Variants in GRID2 observed in about 807,000 individuals in gnomAD.
The protein encoded by GRID2 is glutamate receptor ionotropic, delta-2.
Under a neutral mutation model 114.8 loss-of-function variants are expected in GRID2, and 33 were observed. That is an observed-to-expected ratio of 0.29 (90% confidence interval 0.22 to 0.38). The LOEUF is 0.38. GRID2 is among the 10% of genes least tolerant of loss of function. The pLI is 1.00. For synonymous variants in GRID2, 505 were observed against 449.9 expected (o/e 1.12, Z -1.55); for missense variants, 1,184 against 1,257.7 (o/e 0.94, Z 0.89).
chr4:92,863,724 T>C (rs1744682139), intron 2 of GRID2, among the ~76,000 whole-genome samples: 1 of 152,160 alleles, frequency 6.6e-6, no homozygotes, highest in Admixed American at 6.5e-5. Context: ...GAAAATTCCG[T>C]GCCACAGGAT....
At chr4:93,756,164 A>C (rs1420877948) in intron 14 of GRID2, among the ~76,000 whole-genome samples, 4 of 152,212 alleles carry the variant, frequency 2.6e-5, no homozygotes, top group Non-Finnish European at 4.4e-5. Context: ...GGAGAAGAAG[A>C]AGCATACATT....
Position 93,772,144 on chromosome 4 carries a change from C to G in GRID2, c.2670C>G (p.Ser890Arg). The change falls in exon 16 of 16, where the codon AGC becomes AGG. Residue 890 changes from serine to arginine, a missense_variant. By Grantham distance (110) the Ser-to-Arg change is moderately radical. Coordinates refer to ENST00000282020, the MANE Select transcript of GRID2 (RefSeq NM_001510.4). The part of the protein sequence containing the change: ...RVNSLCTDDD[S>R]PHKQFSTSSI... Reference sequence around the variant, plus strand: ...ATAGCTTGTGCACAGATGACGACAGCCCCCATAAACAGTTTTCCACCTCGT... The same window carrying G: ...ATAGCTTGTGCACAGATGACGACAGGCCCCATAAACAGTTTTCCACCTCGT... The G allele has an allele frequency of 6.2e-7, 1 of 1,611,956 alleles. No individual in the cohort carries two copies.
At chr4:92,901,915 A>G (rs113024190) in intron 2 of GRID2, among the ~76,000 whole-genome samples, 33 of 151,850 alleles carry the variant, frequency 2.2e-4, no homozygotes, top group African/African-American at 8.0e-4. Flanking sequence ...TTACTGCTCA[A>G]TTTTCAAGAA....
At chr4:92,377,514 C>A (rs1475282299) in intron 1 of GRID2, among the ~76,000 whole-genome samples, 2 of 152,154 alleles carry the variant, frequency 1.3e-5, no homozygotes, top group Non-Finnish European at 2.9e-5. Context: ...CTGCCTGTTA[C>A]CCAGTTCCAA....
intron 4 of GRID2, among the ~76,000 whole-genome samples, chr4:93,163,392 ATATATATACAC>A (rs1737922229): frequency 2.2e-5 from 1 of 46,506 alleles, no homozygotes; most frequent in African/African-American, 7.8e-5. Context: ...ATATATATAT[ATATATATACAC>A]TATATATATA....
At chr4:93,169,262 G>A (rs1738568312) in intron 4 of GRID2, among the ~76,000 whole-genome samples, 1 of 151,830 alleles carries the variant, frequency 6.6e-6, no homozygotes, top group African/African-American at 2.4e-5. Context: ...AGAAATATGT[G>A]TCTTTATTGA....
chr4:93,515,190 G>T (rs1729589202), intron 12 of GRID2, 26 bp from the exon 13 acceptor site: 2 of 1,193,476 alleles, frequency 1.7e-6, no homozygotes, highest in Admixed American at 2.2e-5. Flanking sequence ...TGTCTCTTGT[G>T]TCTCTCTTCT....
intron 14 of GRID2, among the ~76,000 whole-genome samples, chr4:93,725,692 G>T (rs934626802): frequency 4.2e-4 from 63 of 150,984 alleles, no homozygotes; most frequent in Admixed American, 7.2e-4. Context: ...GTGTGAGATG[G>T]TATCTCATTG....
intron 2 of GRID2, among the ~76,000 whole-genome samples, chr4:93,063,135 G>A (rs761145205): frequency 2.0e-5 from 3 of 151,818 alleles, no homozygotes; most frequent in Non-Finnish European, 2.9e-5. Context: ...TTTCTCGGGC[G>A]AAAGGAGAAA....
At chr4:93,372,108 G>T (rs1171251853) in intron 8 of GRID2, among the ~76,000 whole-genome samples, 8 of 152,154 alleles carry the variant, frequency 5.3e-5, no homozygotes, top group African/African-American at 1.9e-4. Context: ...GTAGATGTAA[G>T]AATAGCCTCT....
intron 13 of GRID2, among the ~76,000 whole-genome samples, chr4:93,546,653 T>C (rs186700964): frequency 6.6e-6 from 1 of 152,278 alleles, no homozygotes; most frequent in African/African-American, 2.4e-5. Context: ...ATGACTCTTT[T>C]TCAGTCAATT....
chr4:92,447,696 C>T (rs1212285486), intron 1 of GRID2, among the ~76,000 whole-genome samples: 1 of 152,170 alleles, frequency 6.6e-6, no homozygotes, highest in African/African-American at 2.4e-5. Context: ...GATTCCAAAT[C>T]TGGTGAGGGC....
Position 93,769,388 on chromosome 4 carries a change from T to C in GRID2, c.2539T>C (p.Phe847Leu), listed in dbSNP as rs771919836. The part of the protein sequence containing the change: ...ILAAGIVLSC[F>L]IAMLETWWNK... ...GGCTGCTGGAATTGTCCTCTCCTGCTTCATAGCCATGCTGGAGACGTGGTG... is the reference window on the plus strand; with the variant it reads ...GGCTGCTGGAATTGTCCTCTCCTGCCTCATAGCCATGCTGGAGACGTGGTG... The change falls in exon 15 of 16, where the codon TTC becomes CTC. Residue 847 changes from phenylalanine to leucine, a missense_variant. Coordinates refer to ENST00000282020, the MANE Select transcript of GRID2 (RefSeq NM_001510.4). The C allele has an allele frequency of 8.7e-6, 14 of 1,613,534 alleles. No homozygotes were observed. Among genetic ancestry groups the C allele is most frequent in the Non-Finnish European group, 1.2e-5 (14 of 1,179,618 alleles).
chr4:93,765,599 G>T (rs1415039305), intron 14 of GRID2, among the ~76,000 whole-genome samples: 2 of 116,530 alleles, frequency 1.7e-5, no homozygotes, highest in African/African-American at 3.8e-5. Context: ...AATTTAAATA[G>T]GTGAGGTATT....
intron 2 of GRID2, among the ~76,000 whole-genome samples, chr4:92,788,048 T>G (rs1488306458): frequency 6.6e-6 from 1 of 151,734 alleles, no homozygotes; most frequent in East Asian, 1.9e-4. Context: ...AAGAGGGTGA[T>G]CTAGGCCTAA....
intron 2 of GRID2, among the ~76,000 whole-genome samples, chr4:92,846,642 T>C (rs1743346227): frequency 6.6e-6 from 1 of 152,106 alleles, no homozygotes; most frequent in Admixed American, 6.6e-5. Context: ...TTTTGTCTAA[T>C]CCACCTGCAT....
intron 13 of GRID2, among the ~76,000 whole-genome samples, chr4:93,556,766 G>A (rs566732513): frequency 1.0e-3 from 153 of 152,126 alleles, no homozygotes; most frequent in Non-Finnish European, 1.6e-3. Context: ...GATACGCCTC[G>A]AGAAAAACAA....
chr4:93,662,559 C>T (rs560100052), intron 14 of GRID2, among the ~76,000 whole-genome samples: 3 of 152,136 alleles, frequency 2.0e-5, no homozygotes, highest in Non-Finnish European at 2.9e-5. Flanking sequence ...AACGTAGAGA[C>T]ACAGCTCAAA....
chr4:92,740,499 G>A (rs1736818838), intron 2 of GRID2, among the ~76,000 whole-genome samples: 1 of 152,136 alleles, frequency 6.6e-6, no homozygotes, highest in African/African-American at 2.4e-5. Flanking sequence ...GAGTAACTGA[G>A]TACAACTCAA....
Sources: gnomAD v4.1 joint callset for allele counts (sites outside exome capture counted in the v4.1 genomes callset) on GRCh38, gnomAD v4.1.1 for gene constraint, MANE v1.5 for transcripts, NCBI Gene and HGNC (gene_info 2026-07-23, HGNC 2026-07-21) for gene names.